Variants in NKTR observed in about 807,000 individuals in gnomAD.
The protein encoded by NKTR is natural killer cell triggering receptor, also known as NK-tumor recognition protein.
A neutral mutation model predicts 156.3 loss-of-function variants in NKTR; 67 were observed. That is an observed-to-expected ratio of 0.43 (90% CI 0.35 to 0.53). The LOEUF (loss-of-function observed/expected upper bound fraction) is 0.53, where lower values mean the gene tolerates loss of function less well. NKTR is among the 20% of genes least tolerant of loss of function. NKTR has a pLI of 0.01. For missense variants in NKTR, 1,604 were observed against 1,730.9 expected (o/e 0.93, Z 1.30); for synonymous variants, 640 against 596.6 (o/e 1.07, Z -1.06).
At chr3:42,625,561 A>AG (rs1324632671) in intron 6 of NKTR, among the ~76,000 whole-genome samples, 3 of 152,148 alleles carry the variant, frequency 2.0e-5, no homozygotes, top group Admixed American at 6.6e-5. Context: ...GTTGGTTTTA[A>AG]GGGGTTTGTA....
chr3:42,636,194 C>G (rs931414744), intron 12 of NKTR, among the ~76,000 whole-genome samples: 1 of 152,116 alleles, frequency 6.6e-6, no homozygotes, highest in Non-Finnish European at 1.5e-5. Context: ...CTCTTTTTCT[C>G]TGGGGACATC....
chr3:42,612,420 T>G (rs1157671278), intron 2 of NKTR: 1 of 152,148 alleles, frequency 6.6e-6, no homozygotes, highest in South Asian at 2.1e-4. Context: ...ATTTTGCCAT[T>G]ACATAACTTT....
chr3:42,633,929 A>G (rs561308238), intron 10 of NKTR, among the ~76,000 whole-genome samples, 194 bp downstream of exon 10: 3 of 152,290 alleles, frequency 2.0e-5, no homozygotes, highest in Middle Eastern at 3.4e-3. Flanking sequence ...TATGTACCCT[A>G]CCTTTCAGAA....
At chr3:42,629,894 T>G in intron 6 of NKTR, 1 of 985,486 alleles carries the variant, frequency 1.0e-6, no homozygotes, top group Non-Finnish European at 1.2e-6. Context: ...ATGTCTGCAA[T>G]GTTATCCATC....
At position 42,637,043 on chromosome 3, in the gene NKTR, C is replaced by T; in HGVS notation, c.1339C>T (p.His447Tyr). 1 of 1,609,938 alleles carries T rather than the reference C, an allele frequency of 6.2e-7. No homozygotes were observed. The highest frequency in any genetic ancestry group is 1.3e-5 in the African/African-American group (1 of 74,398). ...KHKKKGKKQK[H>Y]CRRHKQTKKR... is the part of the protein sequence containing the mutation. Reference sequence around the variant, plus strand: ...TAAAAAGAAAGGGAAAAAGCAGAAACACTGCAGAAGACACAAACAAACAAA... The same window carrying T: ...TAAAAAGAAAGGGAAAAAGCAGAAATACTGCAGAAGACACAAACAAACAAA... The change falls in exon 13 of 17, where the codon CAC becomes TAC. Residue 447 changes from histidine to tyrosine, a missense_variant. By Grantham distance (83) the His-to-Tyr change is moderately conservative (BLOSUM62 2). Coordinates refer to ENST00000232978, the MANE Select transcript of NKTR (RefSeq NM_005385.4).
chr3:42,603,497 ATGTT>A (rs1705828271), intron 2 of NKTR, among the ~76,000 whole-genome samples: 2 of 152,190 alleles, frequency 1.3e-5, no homozygotes, highest in Admixed American at 1.3e-4. Context: ...TCTCCAGAAT[ATGTT>A]TGACAAATGT....
At chr3:42,633,100 C>T in intron 9 of NKTR, 1 of 833,154 alleles carries the variant, frequency 1.2e-6, no homozygotes, top group Non-Finnish European at 1.5e-6. Flanking sequence ...AATACAGTGG[C>T]ACAATTATAG....
chr3:42,610,037 C>G (rs1465461821), intron 2 of NKTR, among the ~76,000 whole-genome samples: 1 of 151,904 alleles, frequency 6.6e-6, no homozygotes, highest in African/African-American at 2.4e-5. Flanking sequence ...GAGTTTCGCT[C>G]TTGTTGCCCA....
rs1350809947 is a variant in NKTR, at chr3:42,630,277, C to T, written c.375-269C>T. 6 of 1,189,592 alleles carry T rather than the reference C, an allele frequency of 5.0e-6. No homozygotes were observed. The South Asian group carries it at 1.6e-4, about 31-fold the overall frequency. 73.7% of individuals were successfully genotyped at this position (1,189,592 alleles called of 1,614,324 possible). The stretch of plus-strand genomic sequence containing the variant: ...TATTCATGCTGTGTATTTATGGCTA[C>T]AAGTCAAACTGATTTCATATGTATG... On this transcript the variant is annotated intron_variant, in intron 6 of 16. Transcript: ENST00000232978.
In NKTR at chr3:42,648,365, A is replaced by C. The variant is rs1306581064; in HGVS notation, c.*2390A>C. On this transcript the variant is annotated 3_prime_UTR_variant, in exon 17 of 17. Coordinates refer to ENST00000232978, the MANE Select transcript of NKTR (RefSeq NM_005385.4). ...TGTAGGTGGAATTTTTACCCAGAAA[A>C]GATAGGCCCTAGAAGCCTCATTTCT... 1 of 152,210 alleles carries C rather than the reference A, an allele frequency of 6.6e-6. No homozygotes were observed. The highest frequency in any genetic ancestry group is 1.9e-4 in the East Asian group (1 of 5,194). 9.4% of individuals were successfully genotyped at this position (152,210 alleles called of 1,614,324 possible). A position where few individuals can be genotyped will look rare whatever the true frequency, so the allele number is the denominator to read the frequency against.
At position 42,632,691 on chromosome 3, in the gene NKTR, G is replaced by A. The variant is rs777068821; in HGVS notation, c.641G>A (p.Ser214Asn). The change falls in exon 9 of 17, where the codon AGT (serine) becomes AAT (asparagine). Residue 214 changes from serine (S) to asparagine (N), a missense_variant. By Grantham distance (46) the Ser-to-Asn change is conservative. Coordinates refer to ENST00000232978, the MANE Select transcript of NKTR (RefSeq NM_005385.4). ...SSSSSESSSE[S>N]ELEHERSRRR... The stretch of plus-strand genomic sequence containing the variant: ...TCTTCTTCAGAATCATCTTCAGAAA[G>A]TGAACTTGAACATGAGAGAAGCAGA... The A allele has an allele frequency of 6.2e-7, 1 of 1,613,920 alleles. No homozygotes were observed. Among genetic ancestry groups the A allele is most frequent in the Non-Finnish European group, 8.5e-7 (1 of 1,179,858 alleles).
chr3:42,621,397 G>A (rs1459284188), intron 5 of NKTR, 32 bp from the exon 6 acceptor site: 6 of 1,585,504 alleles, frequency 3.8e-6, no homozygotes, highest in Non-Finnish European at 4.3e-6. Context: ...CTTATAATTG[G>A]AGACTGACAA....
chr3:42,605,159 A>T lies in NKTR; in HGVS notation c.58+4095A>T, dbSNP rs184781506. 3.3e-5 allele frequency among the ~76,000 whole-genome samples: 5 copies of T among 152,292 alleles called. No individual in the cohort carries two copies. The East Asian group carries it at 7.7e-4, about 24-fold the overall frequency. ...GGCTCTGAAGTTTCCTTTGCCTCAG[A>T]TATGAATATAGTTACTTCCGTTTTA... On this transcript the variant is annotated intron_variant, in intron 2 of 16. Coordinates refer to ENST00000232978, the MANE Select transcript of NKTR (RefSeq NM_005385.4).
chr3:42,641,948 C>T (rs952504346), intron 13 of NKTR, among the ~76,000 whole-genome samples: 1 of 151,518 alleles, frequency 6.6e-6, no homozygotes, highest in African/African-American at 2.4e-5. Context: ...CAAAGTTAAC[C>T]ATTATTCTAA....
chr3:42,612,731 G>A (rs973069754), intron 2 of NKTR, among the ~76,000 whole-genome samples: 6 of 152,116 alleles, frequency 3.9e-5, no homozygotes, highest in African/African-American at 1.4e-4. Context: ...AAAAATGGTA[G>A]ACTGTGCTCA....
At chr3:42,612,100 C>G (rs1215725248) in intron 2 of NKTR, among the ~76,000 whole-genome samples, 1 of 152,066 alleles carries the variant, frequency 6.6e-6, no homozygotes, top group African/African-American at 2.4e-5. Context: ...GACTCTGTCT[C>G]TTAAAAAATA....
In NKTR at chr3:42,637,331, T is replaced by C; in HGVS notation, c.1627T>C (p.Ser543Pro). 1 of 1,614,172 alleles carries C rather than the reference T, an allele frequency of 6.2e-7. No individual in the cohort carries two copies. The highest frequency in any genetic ancestry group is 8.5e-7 in the Non-Finnish European group (1 of 1,180,012). ...SRSRTASKSSSHSRSRSKSRS... is the reference protein window; with the variant it reads ...SRSRTASKSSPHSRSRSKSRS... Reference sequence around the variant, plus strand: ...ATCAAGGACTGCGTCAAAGTCCTCATCACATTCTCGAAGTAGATCAAAGTC... The same window carrying C: ...ATCAAGGACTGCGTCAAAGTCCTCACCACATTCTCGAAGTAGATCAAAGTC... The change falls in exon 13 of 17, where the codon TCA (serine) becomes CCA (proline). Residue 543 changes from serine to proline, a missense_variant. Physicochemically the swap from Ser to Pro is moderately conservative, Grantham distance 74. Around this residue, in one of 6 missense-constraint regions of NKTR, gnomAD observed 1,255 missense variants for 1,243.7 expected, o/e 1.01. Coordinates refer to ENST00000232978, the MANE Select transcript of NKTR (RefSeq NM_005385.4).
chr3:42,606,723 C>T (rs1402579487), intron 2 of NKTR, among the ~76,000 whole-genome samples: 1 of 151,206 alleles, frequency 6.6e-6, no homozygotes, highest in African/African-American at 2.4e-5. Context: ...TTATTTTTTT[C>T]TTGGCCAGGC....
chr3:42,647,490 G>A lies in NKTR; in HGVS notation c.*1515G>A, dbSNP rs1184992989. On this transcript the variant is annotated 3_prime_UTR_variant, in exon 17 of 17. Transcript: ENST00000232978. Reference sequence around the variant, plus strand: ...AAAGAGCCCTCAGTTGGAGGGAGCTGACAACCCTTGGTGGAGGGAGGGTGC... The same window carrying A: ...AAAGAGCCCTCAGTTGGAGGGAGCTAACAACCCTTGGTGGAGGGAGGGTGC... 1 of 152,000 alleles carries A rather than the reference G, an allele frequency of 6.6e-6. No individual in the cohort carries two copies. The highest frequency in any genetic ancestry group is 6.6e-5 in the Admixed American group (1 of 15,248). The allele number at this position is 152,000 out of a possible 1,614,324, so 9.4% of individuals were successfully genotyped here. A position where few individuals can be genotyped will look rare whatever the true frequency, so the allele number is the denominator to read the frequency against.
Sources: gnomAD v4.1 joint callset for allele counts (sites outside exome capture counted in the v4.1 genomes callset) on GRCh38, gnomAD v4.1.1 for gene constraint, gnomAD v4.1.1 regional missense constraint, MANE v1.5 for transcripts, NCBI Gene and HGNC (gene_info 2026-07-23, HGNC 2026-07-21) for gene names.